Variants in BZW2 observed in about 807,000 individuals in gnomAD.
BZW2 encodes the protein eIF5-mimic protein 1.
In BZW2, 23 loss-of-function variants were observed where a neutral mutation model predicts 53.2. The ratio of observed to expected loss-of-function variants is 0.43; its 90% confidence interval spans 0.31 to 0.61. BZW2 has a LOEUF of 0.61. Ranked by LOEUF, BZW2 falls within the 20% of genes least tolerant of loss-of-function variation. BZW2 has a pLI of 0.09. For missense variants in BZW2, 409 were observed against 503.1 expected (o/e 0.81, Z 1.79); for synonymous variants, 227 against 186.4 (o/e 1.22, Z -1.77).
chr7:16,668,749 G>A (rs1170348763), intron 2 of BZW2, among the ~76,000 whole-genome samples: 1 of 152,174 alleles, frequency 6.6e-6, no homozygotes, highest in African/African-American at 2.4e-5. Flanking sequence ...GTATGACAAT[G>A]TATTTCTTAT....
intron 7 of BZW2, among the ~76,000 whole-genome samples, chr7:16,693,274 A>C (rs1422134217): frequency 6.6e-6 from 1 of 152,196 alleles, no homozygotes; most frequent in Non-Finnish European, 1.5e-5. Context: ...TTCCAAGTCA[A>C]AAAATGACAT....
intron 3 of BZW2, among the ~76,000 whole-genome samples, chr7:16,678,644 A>G (rs533047644): frequency 6.6e-6 from 1 of 152,346 alleles, no homozygotes; most frequent in African/African-American, 2.4e-5. Flanking sequence ...TTCTATCAAA[A>G]GCAATAGCAA....
intron 1 of BZW2, among the ~76,000 whole-genome samples, chr7:16,663,257 G>T (rs1251695439): frequency 2.0e-5 from 3 of 152,056 alleles, no homozygotes; most frequent in Non-Finnish European, 4.4e-5. Flanking sequence ...ACTGGTCTGT[G>T]TTTCTACTGT....
At chr7:16,696,844 G>A in intron 8 of BZW2, 71 bp from the exon 9 acceptor site, 1 of 1,512,034 alleles carries the variant, frequency 6.6e-7, no homozygotes, top group Non-Finnish European at 9.1e-7. Flanking sequence ...TTGATTGACT[G>A]GGCAGCTAGC....
intron 3 of BZW2, among the ~76,000 whole-genome samples, chr7:16,676,381 T>A (rs1782765312): frequency 6.6e-6 from 1 of 152,066 alleles, no homozygotes; most frequent in Non-Finnish European, 1.5e-5. Context: ...AAACCCTGTC[T>A]CTACTAAAAA....
At chr7:16,661,062 A>T (rs984300002) in intron 1 of BZW2, among the ~76,000 whole-genome samples, 3 of 152,176 alleles carry the variant, frequency 2.0e-5, no homozygotes, top group Non-Finnish European at 2.9e-5. Flanking sequence ...TCCCTGCTTT[A>T]GAGTATATAT....
chr7:16,674,690 G>C, intron 3 of BZW2, 102 bp downstream of exon 3: 1 of 1,047,018 alleles, frequency 9.6e-7, no homozygotes, highest in Non-Finnish European at 1.3e-6. Context: ...ATGTTTATTA[G>C]AGTTAATAAA....
In BZW2 at chr7:16,654,341, T is replaced by C. The variant is rs138045125; in HGVS notation, c.-8+8053T>C. 7.7e-3 allele frequency among the ~76,000 whole-genome samples: 1,176 copies of C among 152,170 alleles called. 27 individuals are homozygous for C. The highest frequency in any genetic ancestry group is 0.027 in the African/African-American group (1,129 of 41,528). On this transcript the variant is annotated intron_variant, in intron 1 of 11. Transcript: ENST00000258761. ...CCTTCTCTATAAGAGTTTCTGCTTT[T>C]CCTAAAGTGATGCAATGGAACAGAT...
At chr7:16,699,963 C>T (rs1783618112) in intron 10 of BZW2, among the ~76,000 whole-genome samples, 5 of 152,148 alleles carry the variant, frequency 3.3e-5, no homozygotes. Context: ...GGCATGAGCT[C>T]TTAGGCTCAT....
intron 7 of BZW2, among the ~76,000 whole-genome samples, chr7:16,690,271 C>T (rs920418720): frequency 5.9e-5 from 9 of 151,548 alleles, no homozygotes; most frequent in East Asian, 1.9e-4. Context: ...GGCACAATCT[C>T]GCTCACTGCA....
chr7:16,673,944 G>T (rs1332899904), intron 2 of BZW2, among the ~76,000 whole-genome samples: 1 of 142,884 alleles, frequency 7.0e-6, no homozygotes, highest in African/African-American at 2.4e-5. Context: ...TTGTCTCCCA[G>T]GCTGGGGTGC....
At chr7:16,660,010 C>T (rs558413480) in intron 1 of BZW2, among the ~76,000 whole-genome samples, 2 of 151,980 alleles carry the variant, frequency 1.3e-5, no homozygotes, top group South Asian at 4.2e-4. Context: ...CTCCCCCACC[C>T]CACAACAGGC....
Position 16,659,721 on chromosome 7 carries a change from T to G in BZW2, c.-7-5716T>G, listed in dbSNP as rs189049021. Among the ~76,000 whole-genome samples the G allele has an allele frequency of 1.3e-4, 20 of 152,320 alleles. No individual in the cohort carries two copies. The East Asian group carries it at 2.1e-3, about 16-fold the overall frequency. On this transcript the variant is annotated intron_variant, in intron 1 of 11. Transcript: ENST00000258761. ...TTGAAACTTGTTATTAAATACAAAG[T>G]ACTTCATGAGAACACTGCAGTGAAG...
At chr7:16,647,582 T>C (rs1781898563) in intron 1 of BZW2, among the ~76,000 whole-genome samples, 1 of 152,190 alleles carries the variant, frequency 6.6e-6, no homozygotes, top group African/African-American at 2.4e-5. Flanking sequence ...TACATGAAAA[T>C]GGTTTGAAAT....
Position 16,706,065 on chromosome 7 carries a change from G to A in BZW2, c.1237G>A (p.Glu413Lys), listed in dbSNP as rs755081715. The change falls in exon 12 of 12, where the codon GAA becomes AAA. Residue 413 changes from glutamate (E) to lysine (K), a missense_variant. Physicochemically the swap from Glu to Lys is moderately conservative, Grantham distance 56. Transcript: ENST00000258761. ...EWLQNAEEES[E>K]SEGEEN ...ACTTCTTTCTTCTCTCCTAGAATCCGAATCGGAAGGTGAGGAAAATTAAAT... is the reference window on the plus strand; with the variant it reads ...ACTTCTTTCTTCTCTCCTAGAATCCAAATCGGAAGGTGAGGAAAATTAAAT... The A allele has an allele frequency of 3.1e-6, 5 of 1,613,496 alleles. No individual in the cohort carries two copies. The highest frequency in any genetic ancestry group is 1.1e-5 in the South Asian group (1 of 91,004).
At chr7:16,659,081 GCGAAACT>G (rs1170580751) in intron 1 of BZW2, among the ~76,000 whole-genome samples, 1 of 151,340 alleles carries the variant, frequency 6.6e-6, no homozygotes, top group Non-Finnish European at 1.5e-5. Context: ...GGGCAACATG[GCGAAACT>G]CTTAAAAACT....
At chr7:16,673,031 C>T (rs1395539994) in intron 2 of BZW2, among the ~76,000 whole-genome samples, 2 of 151,976 alleles carry the variant, frequency 1.3e-5, no homozygotes, top group Non-Finnish European at 2.9e-5. Context: ...CTGCAAGCTC[C>T]GCCTCCCGGG....
At chr7:16,687,063 T>C (rs997405744) in intron 6 of BZW2, 2 of 152,218 alleles carry the variant, frequency 1.3e-5, no homozygotes, top group African/African-American at 4.8e-5. Context: ...TAAATTATCC[T>C]AGCCAACATA....
chr7:16,651,513 T>A (rs894820052), intron 1 of BZW2, among the ~76,000 whole-genome samples: 6 of 152,232 alleles, frequency 3.9e-5, no homozygotes, highest in Admixed American at 3.9e-4. Flanking sequence ...GTGAACAAGG[T>A]AATTGAATGG....
Sources: gnomAD v4.1 joint callset for allele counts (sites outside exome capture counted in the v4.1 genomes callset) on GRCh38, gnomAD v4.1.1 for gene constraint, MANE v1.5 for transcripts, NCBI Gene and HGNC (gene_info 2026-07-23, HGNC 2026-07-21) for gene names.